SLC12A2: variants seen among roughly 807,000 people sequenced by gnomAD.
SLC12A2 encodes Na-K-2Cl cotransporter 1.
A neutral mutation model predicts 136.3 loss-of-function variants in SLC12A2; 67 were observed. The observed-to-expected ratio is 0.49, with a 90% confidence interval of 0.40 to 0.60. SLC12A2 has a LOEUF of 0.60. Among genes scored for constraint, SLC12A2 ranks in the 20% least tolerant of loss-of-function variants. The pLI, the probability that SLC12A2 is intolerant of heterozygous loss-of-function variation, is 0.00. For missense variants in SLC12A2, 1,322 were observed against 1,534.7 expected (o/e 0.86, Z 2.32); for synonymous variants, 619 against 562.9 (o/e 1.10, Z -1.41).
chr5:128,108,908 A>G (rs996365037), intron 1 of SLC12A2, among the ~76,000 whole-genome samples: 1 of 152,230 alleles, frequency 6.6e-6, no homozygotes, highest in African/African-American at 2.4e-5. Context: ...TTTTTATAGT[A>G]CAGTAAAATA....
At chr5:128,167,513 A>G (rs1763240201) in intron 17 of SLC12A2, among the ~76,000 whole-genome samples, 1 of 152,156 alleles carries the variant, frequency 6.6e-6, no homozygotes, top group South Asian at 2.1e-4. Context: ...ATAAAAGTAC[A>G]AAAATATGTA....
At position 128,141,834 on chromosome 5, in the gene SLC12A2, T is replaced by C. The variant is rs1762373691; in HGVS notation, c.1626T>C (p.Ser542=). 6.2e-7 allele frequency: 1 copy of C among 1,612,556 alleles called. No individual in the cohort carries two copies. The highest frequency in any genetic ancestry group is 8.5e-7 in the Non-Finnish European group (1 of 1,179,178). ...VYVGIAVSVG[S]CVVRDATGNV... is the part of the protein sequence containing the mutation. ...TTGTTGTCACTTGTGCTTTAGGTTC[T>C]TGTGTTGTTCGAGATGCCACTGGAA... Residue 542 remains serine, a synonymous_variant, in exon 10 of 27, where the codon TCT becomes TCC. Transcript: ENST00000262461.
chr5:128,149,681 T>C (rs1192523439), intron 12 of SLC12A2, among the ~76,000 whole-genome samples: 1 of 151,882 alleles, frequency 6.6e-6, no homozygotes, highest in Non-Finnish European at 1.5e-5. Context: ...TATGTAACTT[T>C]TAAAACACCC....
At chr5:128,128,757 G>A (rs902182113) in intron 4 of SLC12A2, among the ~76,000 whole-genome samples, 1 of 150,534 alleles carries the variant, frequency 6.6e-6, no homozygotes, top group Non-Finnish European at 1.5e-5. Context: ...TACCTAGTCT[G>A]TGCTGATTAG....
intron 18 of SLC12A2, chr5:128,169,282 A>G (rs1763296623): frequency 6.6e-6 from 1 of 151,858 alleles, no homozygotes; most frequent in Admixed American, 6.6e-5. Flanking sequence ...TTTAAGTCCT[A>G]TTTTCTCCAT....
chr5:128,087,440 C>T (rs554360536), intron 1 of SLC12A2, among the ~76,000 whole-genome samples: 18 of 152,206 alleles, frequency 1.2e-4, no homozygotes, highest in South Asian at 4.1e-4. Context: ...AGAATAGGAC[C>T]TAATTTTAAT....
At chr5:128,109,411 A>C in intron 1 of SLC12A2, 3 of 338,952 alleles carry the variant, frequency 8.9e-6, no homozygotes, top group Non-Finnish European at 1.7e-5. Context: ...GCCCCTGCCG[A>C]AGCCTCGGCT....
In SLC12A2 at chr5:128,116,846, G is replaced by A. The variant is rs576294345; in HGVS notation, c.1048+2165G>A. Among the ~76,000 whole-genome samples the A allele has an allele frequency of 2.6e-5, 4 of 152,172 alleles. No homozygotes were observed. The East Asian group carries it at 7.7e-4, about 29-fold the overall frequency. ...CAAGAGATTCTTTTAGTGAATGTAA[G>A]CCCCTTCTGTCTCCTCTGTATCTGA... is the stretch of plus-strand genomic sequence containing the variant. On this transcript the variant is annotated intron_variant, in intron 4 of 26. Transcript: ENST00000262461.
At chr5:128,111,094 G>A (rs1284136100) in intron 1 of SLC12A2, 2 of 502,598 alleles carry the variant, frequency 4.0e-6, no homozygotes, top group Non-Finnish European at 3.7e-6. Flanking sequence ...TATAAAATCT[G>A]TGTGATTGTT....
chr5:128,142,306 T>C (rs1315605628), intron 10 of SLC12A2, among the ~76,000 whole-genome samples: 2 of 152,142 alleles, frequency 1.3e-5, no homozygotes, highest in East Asian at 3.9e-4. Context: ...TTTTACCATG[T>C]TGGTTAGGCT....
intron 5 of SLC12A2, 46 bp downstream of exon 5, chr5:128,131,252 A>ATTTGG: frequency 6.3e-7 from 1 of 1,582,416 alleles, no homozygotes; most frequent in South Asian, 1.1e-5. Flanking sequence ...ATCTTTATTG[A>ATTTGG]GGGATTATAT....
At chr5:128,123,044 C>T (rs117451298) in intron 4 of SLC12A2, among the ~76,000 whole-genome samples, 1 of 152,052 alleles carries the variant, frequency 6.6e-6, no homozygotes, top group Non-Finnish European at 1.5e-5. Flanking sequence ...GAATTTTCAG[C>T]ATGGGTTTTT....
At chr5:128,124,286 G>T (rs1258691053) in intron 4 of SLC12A2, among the ~76,000 whole-genome samples, 6 of 152,140 alleles carry the variant, frequency 3.9e-5, no homozygotes, top group Non-Finnish European at 8.8e-5. Context: ...CACTAATTGG[G>T]TATCCAACAA....
chr5:128,109,444 T>G (rs1761064620), intron 1 of SLC12A2: 1 of 424,552 alleles, frequency 2.4e-6, no homozygotes, highest in South Asian at 2.0e-5. Flanking sequence ...GTCTTACACT[T>G]CTTCATTTAT....
intron 4 of SLC12A2, among the ~76,000 whole-genome samples, chr5:128,119,316 C>T (rs2617617): frequency 0.82 from 125,494 of 152,198 alleles, 52,420 homozygotes; most frequent in African/African-American, 0.95. Context: ...TTTCTTAAAA[C>T]ACTATTCAAA....
At chr5:128,114,344 C>T in intron 3 of SLC12A2, 57 bp downstream of exon 3, 2 of 1,299,416 alleles carry the variant, frequency 1.5e-6, no homozygotes, top group South Asian at 1.2e-5. Flanking sequence ...TGTGTCTGAG[C>T]TCTTAACCTC....
intron 4 of SLC12A2, among the ~76,000 whole-genome samples, chr5:128,117,307 T>C (rs772763968): frequency 3.7e-4 from 57 of 152,186 alleles, no homozygotes; most frequent in Non-Finnish European, 7.2e-4. Flanking sequence ...GCAGTAATGA[T>C]GATAACTGAT....
intron 2 of SLC12A2, 27 bp downstream of exon 2, chr5:128,112,960 A>G: frequency 6.5e-7 from 1 of 1,543,682 alleles, no homozygotes; most frequent in Non-Finnish European, 8.7e-7. Context: ...TTAATTTTAT[A>G]GTTACAGCAT....
At chr5:128,131,283 T>C (rs1762014752) in intron 5 of SLC12A2, 77 bp downstream of exon 5, 4 of 1,459,330 alleles carry the variant, frequency 2.7e-6, no homozygotes, top group Middle Eastern at 1.8e-4. Flanking sequence ...ATGTTAGAGG[T>C]TGGGAAAGCA....
Sources: allele counts gnomAD v4.1 joint callset (sites outside exome capture counted in the v4.1 genomes callset), GRCh38; gene constraint gnomAD v4.1.1; transcripts MANE v1.5; gene names NCBI Gene and HGNC (gene_info 2026-07-23, HGNC 2026-07-21).